The following ATP7B variants were observed in gnomAD, a reference collection of about 807,000 sequenced individuals.
ATP7B encodes copper-transporting ATPase 2.
ATP7B carries 113 observed loss-of-function variants against 118.9 expected under a neutral mutation model. The ratio of observed to expected loss-of-function variants is 0.95; its 90% CI spans 0.82 to 1.11. The LOEUF (loss-of-function observed/expected upper bound fraction) is 1.11. Ranked by LOEUF, ATP7B falls within the 50% of genes most tolerant of loss-of-function variation. The pLI is 0.00. For synonymous variants in ATP7B, 777 were observed against 727.4 expected, an observed-to-expected ratio of 1.07 and a Z score of -1.10; for missense variants, 1,867 against 1,871.4, an observed-to-expected ratio of 1.00 and a Z score of 0.04.
Position 51,934,750 on chromosome 13 carries a change from A to G in ATP7B, c.*6T>C, listed in dbSNP as rs747109545. The G allele has an allele frequency of 6.2e-7, 1 of 1,613,278 alleles. No homozygotes were observed. Among genetic ancestry groups the G allele is most frequent in the African/African-American group, 1.3e-5 (1 of 75,062 alleles). On this transcript the variant is annotated 3_prime_UTR_variant, in exon 21 of 21. Transcript: ENST00000242839. ...GTCCCTGCCCCGGCCCGCCTGCCTG[A>G]AGTCATCAGATGTACTGCTCCTCAT...
intron 1 of ATP7B, among the ~76,000 whole-genome samples, chr13:51,992,979 C>CAAAAAAAAAA (rs58319382): frequency 4.8e-5 from 3 of 62,942 alleles, no homozygotes; most frequent in Admixed American, 2.3e-4. Context: ...GACTCTGTCT[C>CAAAAAAAAAA]AAAAAAAAAA....
rs1230897946 is a variant in ATP7B, at chr13:51,974,110, A to G, written c.1110T>C (p.Cys370=). The G allele has an allele frequency of 1.9e-6, 3 of 1,613,910 alleles. No individual in the cohort carries two copies. The South Asian group carries it at 3.3e-5, about 18-fold the overall frequency. Residue 370 remains cysteine, a synonymous_variant, in exon 2 of 21, where the codon TGT becomes TGC. Transcript: ENST00000242839. ...CTTCAATGGAATGGACACAGGATGC[A>G]CAGGTCATGCCGGCAATGGCAATCA... ...TTLIAIAGMT[C]ASCVHSIEGM...
At chr13:52,002,889 CA>C (rs538533824) in intron 1 of ATP7B, among the ~76,000 whole-genome samples, 222 of 152,166 alleles carry the variant, frequency 1.5e-3, no homozygotes, top group Non-Finnish European at 1.3e-3. Context: ...TATGTTATGG[CA>C]AAAAAATGCT....
intron 7 of ATP7B, 155 bp downstream of exon 7, chr13:51,959,993 G>GA: frequency 6.5e-6 from 7 of 1,084,508 alleles, no homozygotes; most frequent in Non-Finnish European, 4.1e-6. Flanking sequence ...CATTAAGAGA[G>GA]AAAAAAAGCA....
At chr13:51,963,438 CA>C (rs1226274059) in intron 5 of ATP7B, among the ~76,000 whole-genome samples, 1 of 151,952 alleles carries the variant, frequency 6.6e-6, no homozygotes, top group Non-Finnish European at 1.5e-5. Flanking sequence ...ATTTCCATGT[CA>C]AAAAGCTTTC....
intron 1 of ATP7B, among the ~76,000 whole-genome samples, chr13:52,002,177 A>G (rs1287954090): frequency 1.3e-5 from 2 of 152,148 alleles, no homozygotes; most frequent in African/African-American, 4.8e-5. Context: ...TTTCTCAATA[A>G]GCATTTGTTA....
Position 51,975,076 on chromosome 13 carries a change from C to T in ATP7B, c.144G>A (p.Leu48=), listed in dbSNP as rs1280111041. ...CCTGAGAAGAAGGGCCCAGGCCATC[C>T]AGACCACCTTCATAGCCAACATTGT... ...AFDNVGYEGG[L]DGLGPSSQVA... is the part of the protein sequence containing the mutation. Residue 48 remains leucine, a synonymous_variant, in exon 2 of 21, where the codon CTG becomes CTA. Transcript: ENST00000242839. 1 of 1,614,260 alleles carries T rather than the reference C, an allele frequency of 6.2e-7. No homozygotes were observed. The highest frequency in any genetic ancestry group is 8.5e-7 in the Non-Finnish European group (1 of 1,180,046).
intron 8 of ATP7B, chr13:51,957,991 G>A (rs1958466894): frequency 2.1e-6 from 1 of 472,710 alleles, no homozygotes; most frequent in Non-Finnish European, 3.9e-6. Context: ...TGAGGAGGAT[G>A]TATGGATGTC....
At chr13:51,985,046 G>C (rs1373095347) in intron 1 of ATP7B, among the ~76,000 whole-genome samples, 1 of 152,136 alleles carries the variant, frequency 6.6e-6, no homozygotes, top group Non-Finnish European at 1.5e-5. Context: ...CATAATGACA[G>C]GATCAAATTC....
chr13:51,994,292 G>C (rs1381469920), intron 1 of ATP7B, among the ~76,000 whole-genome samples: 3 of 152,082 alleles, frequency 2.0e-5, no homozygotes, highest in African/African-American at 7.2e-5. Context: ...AACTACTTTA[G>C]AAAACAAAGT....
chr13:52,010,827 T>C (rs146054341), intron 1 of ATP7B, among the ~76,000 whole-genome samples: 2 of 152,380 alleles, frequency 1.3e-5, no homozygotes, highest in African/African-American at 4.8e-5. Flanking sequence ...GTGCAAAATA[T>C]TTCTGTGCTG....
intron 11 of ATP7B, 100 bp downstream of exon 11, chr13:51,949,907 A>C: frequency 1.2e-6 from 2 of 1,608,680 alleles, no homozygotes; most frequent in Admixed American, 1.7e-5. Flanking sequence ...CACATTTACT[A>C]ATCAATCTCT....
chr13:51,944,647 G>A (rs1957539469), intron 13 of ATP7B, among the ~76,000 whole-genome samples: 1 of 152,146 alleles, frequency 6.6e-6, no homozygotes, highest in African/African-American at 2.4e-5. Flanking sequence ...AGGGACACCT[G>A]CCTCCCTGTC....
At chr13:51,936,531 TTTTC>T (rs2138513481) in intron 19 of ATP7B, among the ~76,000 whole-genome samples, 1 of 152,136 alleles carries the variant, frequency 6.6e-6, no homozygotes, top group East Asian at 1.9e-4. Flanking sequence ...TTTCTTTTCT[TTTTC>T]TTTTTTTCTG....
intron 1 of ATP7B, among the ~76,000 whole-genome samples, chr13:52,005,470 C>G (rs1953721203): frequency 6.6e-6 from 1 of 152,154 alleles, no homozygotes; most frequent in Admixed American, 6.5e-5. Flanking sequence ...TAAATAAAAA[C>G]AGAATGGGCT....
At chr13:51,990,099 A>G (rs1365590272) in intron 1 of ATP7B, among the ~76,000 whole-genome samples, 1 of 151,816 alleles carries the variant, frequency 6.6e-6, no homozygotes, top group Non-Finnish European at 1.5e-5. Flanking sequence ...TAAAATTAAA[A>G]TAACATTTAT....
intron 12 of ATP7B, among the ~76,000 whole-genome samples, chr13:51,949,121 A>G (rs181842871): frequency 2.2e-4 from 33 of 152,332 alleles, no homozygotes; most frequent in African/African-American, 7.9e-4. Flanking sequence ...TGGAGGTTGC[A>G]GTGAACCGAG....
At chr13:51,991,858 C>G (rs1952934042) in intron 1 of ATP7B, among the ~76,000 whole-genome samples, 1 of 152,138 alleles carries the variant, frequency 6.6e-6, no homozygotes, top group East Asian at 1.9e-4. Context: ...GGAAGGCCCT[C>G]CTCCCTATTT....
Position 51,937,641 on chromosome 13 carries a change from C to A in ATP7B, c.3738G>T (p.Ser1246=). The change falls in exon 18 of 21, where the codon TCG becomes TCT. Residue 1246 remains serine, a synonymous_variant. Coordinates refer to ENST00000242839, the MANE Select transcript of ATP7B (RefSeq NM_000053.4). ...GCTCCTGGACCTTGGCCACCTTGTG[C>A]GAAGGCAGCACCTCTGCAAAGACTT... ...INKVFAEVLP[S]HKVAKVQELQ... The A allele has an allele frequency of 1.9e-6, 3 of 1,614,248 alleles. No homozygotes were observed. Among genetic ancestry groups the A allele is most frequent in the Admixed American group, 1.7e-5 (1 of 60,032 alleles).
Sources: allele counts gnomAD v4.1 joint callset (sites outside exome capture counted in the v4.1 genomes callset), GRCh38; gene constraint gnomAD v4.1.1; transcripts MANE v1.5; gene names NCBI Gene and HGNC (gene_info 2026-07-23, HGNC 2026-07-21).